The following SLC30A7 variants were observed in gnomAD, a reference collection of about 807,000 sequenced individuals.
The protein encoded by SLC30A7 is zinc transporter 7.
SLC30A7 carries 35 observed loss-of-function variants against 46.0 expected under a neutral mutation model. The observed-to-expected ratio is 0.76, with a 90% CI of 0.58 to 1.01. The LOEUF is 1.01. Among genes scored for constraint, SLC30A7 ranks in the 50% least tolerant of loss-of-function variants. The pLI, the probability that SLC30A7 is intolerant of heterozygous loss-of-function variation, is 0.00. For missense variants in SLC30A7, 464 were observed against 451.1 expected (o/e 1.03, Z -0.26); for synonymous variants, 147 against 157.8 (o/e 0.93, Z 0.51).
At chr1:100,993,101 A>G in the SLC30A7 span, among the ~76,000 whole-genome samples, 3 of 152,200 alleles carry the variant, frequency 2.0e-5, no homozygotes, top group Non-Finnish European at 4.4e-5. Flanking sequence ...TGTCCTTTTT[A>G]TGACCATTTT....
intron 8 of SLC30A7, among the ~76,000 whole-genome samples, chr1:100,959,065 A>G (rs1655396986): frequency 6.6e-6 from 1 of 152,216 alleles, no homozygotes. Flanking sequence ...CATGAAAGTA[A>G]TAAACAGCAT....
chr1:100,909,786 T>A (rs1651963433), intron 3 of SLC30A7, among the ~76,000 whole-genome samples: 1 of 152,106 alleles, frequency 6.6e-6, no homozygotes, highest in Admixed American at 6.6e-5. Context: ...GATCTTGAAA[T>A]CTGGTAGAAG....
intron 10 of SLC30A7, among the ~76,000 whole-genome samples, chr1:100,973,720 A>G (rs1233870588): frequency 1.3e-5 from 2 of 152,152 alleles, no homozygotes; most frequent in African/African-American, 4.8e-5. Flanking sequence ...AGGAGGAAGA[A>G]CTAGCAGAGA....
intron 8 of SLC30A7, among the ~76,000 whole-genome samples, chr1:100,950,954 C>A (rs1444873912): frequency 2.0e-5 from 3 of 152,134 alleles, no homozygotes; most frequent in Non-Finnish European, 4.4e-5. Context: ...AATTAAGTTA[C>A]CACTATAGGC....
chr1:100,898,318 T>A (rs1454081096), intron 2 of SLC30A7, among the ~76,000 whole-genome samples: 3 of 152,186 alleles, frequency 2.0e-5, no homozygotes, highest in Admixed American at 6.5e-5. Context: ...GTAACTCTTT[T>A]GATCTGTAGA....
chr1:100,960,811 A>C (rs1046247763), intron 8 of SLC30A7, among the ~76,000 whole-genome samples: 1 of 152,124 alleles, frequency 6.6e-6, no homozygotes, highest in African/African-American at 2.4e-5. Context: ...CTTTTTGGAC[A>C]TTCCCTCAAA....
downstream of SLC30A7, among the ~76,000 whole-genome samples, chr1:100,983,333 G>C (rs1166396142): frequency 7.8e-6 from 1 of 128,498 alleles, no homozygotes; most frequent in East Asian, 2.7e-4. Context: ...TGGGATTCTA[G>C]TTCATTAAAA....
chr1:100,985,839 T>A (rs1657234612), downstream of SLC30A7, among the ~76,000 whole-genome samples: 2 of 152,156 alleles, frequency 1.3e-5, no homozygotes, highest in South Asian at 4.1e-4. Flanking sequence ...TTAATCAAAA[T>A]TTAAAACGTT....
At position 100,978,687 on chromosome 1, in the gene SLC30A7, A is replaced by C. The variant is rs1206022074; in HGVS notation, c.*3830A>C. ...CTTTCTGTAAATGGGATTAAATATG[A>C]TTTGTAAATAAAGGACATCTGACCT... On this transcript the variant is annotated 3_prime_UTR_variant, in exon 11 of 11. Transcript: ENST00000357650. 6.6e-6 allele frequency: 1 copy of C among 152,206 alleles called. No individual in the cohort carries two copies. The highest frequency in any genetic ancestry group is 1.5e-5 in the Non-Finnish European group (1 of 68,032). 9.4% of individuals were successfully genotyped at this position (152,206 alleles called of 1,614,324 possible). A position where few individuals can be genotyped will look rare whatever the true frequency, so the allele number is the denominator to read the frequency against.
In SLC30A7 at chr1:100,975,995, TAAAAG is replaced by T. The variant is rs1656473200; in HGVS notation, c.*1139_*1143del. ...TTTATTGTTTTATCTTCACAGAAAA[TAAAAG>T]GTGTTAATTTGCTTTTTAAAACAAA... On this transcript the variant is annotated 3_prime_UTR_variant, in exon 11 of 11. Transcript: ENST00000357650. The T allele has an allele frequency of 1.3e-5, 2 of 152,562 alleles. No individual in the cohort carries two copies. Among genetic ancestry groups the T allele is most frequent in the Admixed American group, 1.3e-4 (2 of 15,280 alleles). 9.5% of individuals were successfully genotyped at this position (152,562 alleles called of 1,614,324 possible). A position where few individuals can be genotyped will look rare whatever the true frequency, so the allele number is the denominator to read the frequency against.
chr1:100,921,739 G>C lies in SLC30A7; in HGVS notation c.740G>C (p.Gly247Ala). 1 of 1,612,188 alleles carries C rather than the reference G, an allele frequency of 6.2e-7. No homozygotes were observed. The highest frequency in any genetic ancestry group is 8.5e-7 in the Non-Finnish European group (1 of 1,178,794). Residue 247 changes from glycine (G) to alanine (A), a missense_variant, in exon 8 of 11, where the codon GGA becomes GCA. Transcript: ENST00000357650. ...VFLHILADTLGSIGVIASAIM... is the reference protein window; with the variant it reads ...VFLHILADTLASIGVIASAIM... The stretch of plus-strand genomic sequence containing the variant: ...TTACATATCCTAGCAGATACACTTG[G>C]AAGTATTGGTGTAATTGCTTCTGCC...
At chr1:100,921,864 A>C (rs997150452) in intron 8 of SLC30A7, 23 bp downstream of exon 8, 1 of 1,588,388 alleles carries the variant, frequency 6.3e-7, no homozygotes, top group Non-Finnish European at 8.6e-7. Flanking sequence ...GTTACTTTCA[A>C]GTATTAAAGT....
At chr1:100,923,206 C>T (rs199658868) in intron 8 of SLC30A7, among the ~76,000 whole-genome samples, 1 of 137,446 alleles carries the variant, frequency 7.3e-6, no homozygotes, top group African/African-American at 2.7e-5. Context: ...TTAGTAGAGA[C>T]GGGGTTTCAC....
chr1:100,985,736 CACTT>C (rs1558023913), downstream of SLC30A7, among the ~76,000 whole-genome samples: 1 of 151,692 alleles, frequency 6.6e-6, no homozygotes, highest in East Asian at 1.9e-4. Flanking sequence ...ATCTAAAACT[CACTT>C]CATACAAATA....
At chr1:100,933,346 T>A (rs1246971404) in intron 8 of SLC30A7, among the ~76,000 whole-genome samples, 1 of 152,164 alleles carries the variant, frequency 6.6e-6, no homozygotes, top group Non-Finnish European at 1.5e-5. Flanking sequence ...CCCCTGTACC[T>A]TTGCTCATAG....
At chr1:100,909,916 T>C (rs1651972590) in intron 3 of SLC30A7, among the ~76,000 whole-genome samples, 1 of 152,080 alleles carries the variant, frequency 6.6e-6, no homozygotes, top group South Asian at 2.1e-4. Context: ...TTCCTAAGTG[T>C]AGGCTGTGGA....
chr1:100,923,406 G>A (rs1037135558), intron 8 of SLC30A7, among the ~76,000 whole-genome samples: 2 of 152,040 alleles, frequency 1.3e-5, no homozygotes, highest in Admixed American at 1.3e-4. Context: ...TAAAAAAATA[G>A]GATATACATT....
chr1:100,913,876 T>C, intron 6 of SLC30A7, 70 bp downstream of exon 6: 1 of 1,550,760 alleles, frequency 6.4e-7, no homozygotes, highest in South Asian at 1.2e-5. Context: ...CTTTTCCTAG[T>C]TGAAATAGTT....
chr1:100,963,796 G>A (rs1655686682), intron 9 of SLC30A7, among the ~76,000 whole-genome samples: 1 of 152,092 alleles, frequency 6.6e-6, no homozygotes. Flanking sequence ...GAATTGCACA[G>A]CATAGTTCTA....
Sources: gnomAD v4.1 joint callset for allele counts (sites outside exome capture counted in the v4.1 genomes callset) on GRCh38, gnomAD v4.1.1 for gene constraint, MANE v1.5 for transcripts, NCBI Gene and HGNC (gene_info 2026-07-23, HGNC 2026-07-21) for gene names.